Variants in SLC35F2 observed in about 807,000 individuals in gnomAD.
The protein encoded by SLC35F2 is solute carrier family 35 member F2.
Under a neutral mutation model 38.1 loss-of-function variants are expected in SLC35F2, and 25 were observed. The observed-to-expected ratio is 0.66, with a 90% CI of 0.48 to 0.92. The LOEUF (loss-of-function observed/expected upper bound fraction) is 0.92. Ranked by LOEUF, SLC35F2 falls within the 40% of genes least tolerant of loss-of-function variation. SLC35F2 has a pLI of 0.00. For synonymous variants in SLC35F2, 173 were observed against 181.7 expected, an observed-to-expected ratio of 0.95 and a Z score of 0.38; for missense variants, 409 against 452.9, an observed-to-expected ratio of 0.90 and a Z score of 0.88.
chr11:107,819,732 G>A (rs1045842790), intron 1 of SLC35F2, among the ~76,000 whole-genome samples: 1 of 152,152 alleles, frequency 6.6e-6, no homozygotes, highest in African/African-American at 2.4e-5. Flanking sequence ...TGTGGGGAGA[G>A]GTACCTGGCT....
rs1859466010 is a variant in SLC35F2 at position 107,810,627 on chromosome 11, GT to G, written c.414+1039del. ...TCTTTTTGTGCCTCCTATAGTGTCT[GT>G]CTTAATAAATCATTTCCTATCTCAG... On this transcript the variant is annotated intron_variant, in intron 3 of 7. Coordinates refer to ENST00000525815, the MANE Select transcript of SLC35F2 (RefSeq NM_017515.5). The G allele has an allele frequency of 4.1e-6, 4 of 985,194 alleles. No homozygotes were observed. The African/African-American group carries it at 5.2e-5, about 13-fold the overall frequency. The allele number at this position is 985,194 out of a possible 1,614,324, so 61.0% of individuals were successfully genotyped here.
At chr11:107,808,298 G>A (rs909613782) in intron 3 of SLC35F2, among the ~76,000 whole-genome samples, 3 of 152,148 alleles carry the variant, frequency 2.0e-5, no homozygotes, top group Non-Finnish European at 4.4e-5. Flanking sequence ...CTGGAAGGCA[G>A]AGGGATTAAG....
intron 7 of SLC35F2, among the ~76,000 whole-genome samples, chr11:107,799,994 T>C (rs960260276): frequency 2.0e-5 from 3 of 151,680 alleles, no homozygotes; most frequent in African/African-American, 7.3e-5. Flanking sequence ...GTTCATGCCA[T>C]TCTCCTGCCT....
intron 1 of SLC35F2, among the ~76,000 whole-genome samples, chr11:107,816,789 G>A (rs1332838201): frequency 1.3e-5 from 2 of 152,158 alleles, no homozygotes; most frequent in East Asian, 3.9e-4. Context: ...GTTTAATTAT[G>A]AGACAGCCAA....
chr11:107,795,904 C>T (rs1032658642), intron 7 of SLC35F2, among the ~76,000 whole-genome samples: 1 of 152,124 alleles, frequency 6.6e-6, no homozygotes. Context: ...GAGGCTGAGG[C>T]GGGTGGATCA....
At chr11:107,842,401 TG>T (rs1860027212) in intron 1 of SLC35F2, among the ~76,000 whole-genome samples, 1 of 151,930 alleles carries the variant, frequency 6.6e-6, no homozygotes, top group Non-Finnish European at 1.5e-5. Context: ...GTTGCCAGGC[TG>T]AAGTGCAGTA....
chr11:107,844,520 G>A (rs956779193), intron 1 of SLC35F2, among the ~76,000 whole-genome samples: 14 of 119,904 alleles, frequency 1.2e-4, no homozygotes, highest in Non-Finnish European at 1.4e-4. Context: ...AGCTACTCAG[G>A]AGGCGGAAGC....
intron 7 of SLC35F2, among the ~76,000 whole-genome samples, chr11:107,799,012 G>T (rs546672239): frequency 6.6e-6 from 1 of 152,302 alleles, no homozygotes; most frequent in Admixed American, 6.5e-5. Flanking sequence ...GACTGCAGGG[G>T]TGGCAGTGAG....
chr11:107,791,742 G>A lies in SLC35F2; in HGVS notation c.*873C>T, dbSNP rs1380752185. 6.6e-6 allele frequency: 1 copy of A among 152,190 alleles called. No homozygotes were observed. Among genetic ancestry groups the A allele is most frequent in the African/African-American group, 2.4e-5 (1 of 41,396 alleles). The allele number at this position is 152,190 out of a possible 1,614,324, so 9.4% of individuals were successfully genotyped here. A position where few individuals can be genotyped will look rare whatever the true frequency, so the allele number is the denominator to read the frequency against. The stretch of plus-strand genomic sequence containing the variant: ...ACAAACAAAACAGGCCTGGCACGGT[G>A]GCTCAAGCCTGTAATCCCAGCACTT... On this transcript the variant is annotated 3_prime_UTR_variant, in exon 8 of 8. Coordinates refer to ENST00000525815, the MANE Select transcript of SLC35F2 (RefSeq NM_017515.5).
intron 1 of SLC35F2, among the ~76,000 whole-genome samples, chr11:107,821,119 A>T (rs1859664136): frequency 1.3e-5 from 2 of 152,202 alleles, no homozygotes; most frequent in Non-Finnish European, 2.9e-5. Context: ...AACCCTAACC[A>T]AGTGGCTGAT....
chr11:107,849,903 C>T (rs1157085987), intron 1 of SLC35F2, among the ~76,000 whole-genome samples: 1 of 152,148 alleles, frequency 6.6e-6, no homozygotes. Context: ...TCCAGTCTTA[C>T]CTCTCCCTAC....
intron 2 of SLC35F2, 117 bp downstream of exon 2, chr11:107,815,673 G>A: frequency 4.4e-6 from 5 of 1,146,272 alleles, no homozygotes; most frequent in Non-Finnish European, 6.1e-6. Context: ...AACAATTTCA[G>A]AGAATTGTGC....
intron 1 of SLC35F2, among the ~76,000 whole-genome samples, chr11:107,818,340 A>G (rs1859616992): frequency 6.6e-6 from 1 of 152,206 alleles, no homozygotes; most frequent in Non-Finnish European, 1.5e-5. Context: ...CTGAGGCACA[A>G]GAATAGCTTG....
At chr11:107,799,893 GT>G (rs71047621) in intron 7 of SLC35F2, among the ~76,000 whole-genome samples, 3,670 of 135,840 alleles carry the variant, frequency 0.027, 140 homozygotes, top group African/African-American at 0.1. Flanking sequence ...GTTTGTTTTT[GT>G]TTTTTTTTTT....
chr11:107,830,605 G>GATAAA (rs1859824518), intron 1 of SLC35F2, among the ~76,000 whole-genome samples: 1 of 132,654 alleles, frequency 7.5e-6, no homozygotes, highest in African/African-American at 2.9e-5. Context: ...AAAAAGAAAA[G>GATAAA]AAAAAAAAAG....
At chr11:107,854,597 T>C (rs1273843967) in intron 1 of SLC35F2, among the ~76,000 whole-genome samples, 1 of 152,190 alleles carries the variant, frequency 6.6e-6, no homozygotes, top group Admixed American at 6.5e-5. Flanking sequence ...GTTCTCATTA[T>C]CATGAATGTC....
At chr11:107,849,468 G>A (rs28414916) in intron 1 of SLC35F2, among the ~76,000 whole-genome samples, 4,374 of 151,890 alleles carry the variant, frequency 0.029, 193 homozygotes, top group African/African-American at 0.099. Flanking sequence ...GTGAAACCCC[G>A]TCTCTACTAA....
rs373871559 is a variant in SLC35F2 at position 107,792,683 on chromosome 11, T to C, written c.1057A>G (p.Ile353Val). 3 of 1,613,900 alleles carry C rather than the reference T, an allele frequency of 1.9e-6. No homozygotes were observed. The highest frequency in any genetic ancestry group is 2.2e-5 in the East Asian group (1 of 44,838). Reference sequence around the variant, plus strand: ...TTCAGCCCCAGGTTGTCAATCCCAATGCTGGTGACTGGAGGCACGCTGCTT... The same window carrying C: ...TTCAGCCCCAGGTTGTCAATCCCAACGCTGGTGACTGGAGGCACGCTGCTT... The part of the protein sequence containing the change: ...AESSVPPVTS[I>V]GIDNLGLKLE... The change falls in exon 8 of 8, where the codon ATT becomes GTT. Residue 353 changes from isoleucine to valine, a missense_variant. Ile to Val is a conservative substitution (Grantham distance 29, BLOSUM62 3). Coordinates refer to ENST00000525815, the MANE Select transcript of SLC35F2 (RefSeq NM_017515.5).
intron 1 of SLC35F2, among the ~76,000 whole-genome samples, chr11:107,851,366 G>A (rs1385091072): frequency 1.3e-5 from 2 of 151,006 alleles, no homozygotes; most frequent in East Asian, 1.9e-4. Context: ...GGGAGGCTGA[G>A]GCTAGAGAAT....
Sources: gnomAD v4.1 joint callset for allele counts (sites outside exome capture counted in the v4.1 genomes callset) on GRCh38, gnomAD v4.1.1 for gene constraint, MANE v1.5 for transcripts, NCBI Gene and HGNC (gene_info 2026-07-23, HGNC 2026-07-21) for gene names.